PCDHA12: variants seen among roughly 807,000 people sequenced by gnomAD.
PCDHA12 encodes the protein protocadherin alpha 12.
A neutral mutation model predicts 60.0 loss-of-function variants in PCDHA12; 44 were observed. The observed-to-expected ratio is 0.73, with a 90% confidence interval of 0.58 to 0.94. The LOEUF (loss-of-function observed/expected upper bound fraction) is 0.94, where lower values mean the gene tolerates loss of function less well. PCDHA12 is among the 40% of genes least tolerant of loss of function. The pLI is 0.00. For synonymous variants in PCDHA12, 569 were observed against 553.0 expected (o/e 1.03, Z -0.40); for missense variants, 1,276 against 1,239.7 (o/e 1.03, Z -0.44).
At chr5:140,882,931 G>A in intron 1 of PCDHA12, 1 of 1,614,206 alleles carries the variant, frequency 6.2e-7, no homozygotes. Context: ...GTAAACCCGA[G>A]CTGACTGGCA....
In PCDHA12 at chr5:140,877,428, G is replaced by A; in HGVS notation, c.1956G>A (p.Lys652=). 1 of 1,613,886 alleles carries A rather than the reference G, an allele frequency of 6.2e-7. No homozygotes were observed. The highest frequency in any genetic ancestry group is 8.5e-7 in the Non-Finnish European group (1 of 1,179,864). ...APRHRLLVLV[K]DHGEPALTST... is the part of the protein sequence containing the mutation. ...GCCACCGCCTGCTGGTGCTGGTGAA[G>A]GACCACGGTGAGCCCGCGCTGACGT... Residue 652 remains lysine (K), a synonymous_variant, in exon 1 of 4, where the codon AAG becomes AAA. Transcript: ENST00000398631.
At chr5:140,927,409 A>T (rs1554204480) in intron 1 of PCDHA12, 4 of 1,614,120 alleles carry the variant, frequency 2.5e-6, no homozygotes, top group Non-Finnish European at 3.4e-6. Context: ...TCGCCTGGAC[A>T]TGGGATCGCG....
intron 1 of PCDHA12, chr5:140,967,492 G>T (rs1554229617): frequency 3.1e-6 from 5 of 1,613,380 alleles, no homozygotes; most frequent in Non-Finnish European, 4.2e-6. Flanking sequence ...GTACGGCACA[G>T]ATCTCTGTGC....
At chr5:140,966,447 C>T (rs373859357) in intron 1 of PCDHA12, 40 of 425,326 alleles carry the variant, frequency 9.4e-5, no homozygotes, top group Middle Eastern at 5.8e-4. Context: ...CTCCCTTTCC[C>T]CCTCCCCCTC....
rs1563186680 is a variant in PCDHA12 at position 140,941,223 on chromosome 5, C to CTTTCTT, written c.2368-37724_2368-37719dup. Among the ~76,000 whole-genome samples the CTTTCTT allele has an allele frequency of 6.9e-4, 92 of 132,548 alleles. 1 individual carries two copies. The highest frequency in any genetic ancestry group is 2.7e-3 in the African/African-American group (88 of 33,182). The allele number at this position is 132,548 out of a possible 152,430, so 87.0% of individuals were successfully genotyped here. A position where few individuals can be genotyped will look rare whatever the true frequency, so the allele number is the denominator to read the frequency against. ...TCTTCCTTTCTTTCTTCCTTTCTTT[C>CTTTCTT]TTTCTTTCTTTCTTTCTTTCTTTCT... On this transcript the variant is annotated intron_variant, in intron 1 of 3. Coordinates refer to ENST00000398631, the MANE Select transcript of PCDHA12 (RefSeq NM_018903.4).
At position 140,877,371 on chromosome 5, in the gene PCDHA12, G is replaced by C; in HGVS notation, c.1899G>C (p.Thr633=). The C allele has an allele frequency of 1.2e-6, 2 of 1,613,994 alleles. No individual in the cohort carries two copies. Among genetic ancestry groups the C allele is most frequent in the Non-Finnish European group, 8.5e-7 (1 of 1,179,884 alleles). The change falls in exon 1 of 4, where the codon ACG becomes ACC. Residue 633 remains threonine, a synonymous_variant. Transcript: ENST00000398631. ...GGCTGTACACTGGCGAGATCAGCAC[G>C]ACACGCATCCTGGATGAGGCGGACG... ...HVGLYTGEIS[T]TRILDEADAP...
chr5:140,966,330 G>A, intron 1 of PCDHA12: 2 of 393,050 alleles, frequency 5.1e-6, no homozygotes, highest in Non-Finnish European at 9.0e-6. Context: ...CTGGGATCCG[G>A]CAGGTCCAGG....
At chr5:140,984,177 A>G (rs1337365733) in intron 3 of PCDHA12, among the ~76,000 whole-genome samples, 3 of 152,190 alleles carry the variant, frequency 2.0e-5, no homozygotes, top group Non-Finnish European at 4.4e-5. Context: ...AAGCCACGTG[A>G]AATCATGACT....
chr5:140,960,713 ATCTTATTTTAGT>A (rs2095563566), intron 1 of PCDHA12, among the ~76,000 whole-genome samples: 3 of 150,862 alleles, frequency 2.0e-5, no homozygotes, highest in Non-Finnish European at 4.4e-5. Flanking sequence ...CCAAATACTC[ATCTTATTTTAGT>A]CCATGATTTT....
At chr5:140,956,190 T>A (rs1441772845) in intron 1 of PCDHA12, among the ~76,000 whole-genome samples, 1 of 152,208 alleles carries the variant, frequency 6.6e-6, no homozygotes, top group Non-Finnish European at 1.5e-5. Flanking sequence ...CTATGCTGAA[T>A]AGGAGTGGTG....
chr5:140,883,000 ATCCGT>A (rs1554176436), intron 1 of PCDHA12: 1 of 1,614,138 alleles, frequency 6.2e-7, no homozygotes, highest in Non-Finnish European at 8.5e-7. Flanking sequence ...AATTTTACCA[ATCCGT>A]TTATAAAGTG....
chr5:140,995,993 A>G (rs1017469411), intron 3 of PCDHA12, among the ~76,000 whole-genome samples: 16 of 152,226 alleles, frequency 1.1e-4, no homozygotes, highest in Non-Finnish European at 1.8e-4. Context: ...GCCACTCAAA[A>G]ATGTCGTCAG....
chr5:140,983,076 T>A (rs1390525890), intron 3 of PCDHA12, among the ~76,000 whole-genome samples: 1 of 152,168 alleles, frequency 6.6e-6, no homozygotes, highest in Non-Finnish European at 1.5e-5. Context: ...TTGTTTTGAG[T>A]TCAAGTCAAA....
intron 1 of PCDHA12, among the ~76,000 whole-genome samples, chr5:140,957,345 A>G (rs1375707193): frequency 6.6e-6 from 1 of 152,170 alleles, no homozygotes; most frequent in Admixed American, 6.5e-5. Flanking sequence ...ATTTTGAGAG[A>G]GAGACCACAT....
At chr5:140,968,507 T>A in intron 1 of PCDHA12, 1 of 1,614,178 alleles carries the variant, frequency 6.2e-7, no homozygotes, top group South Asian at 1.1e-5. Context: ...TCACATTCTG[T>A]ACCCTACCTC....
At chr5:140,911,934 A>G (rs2075691303) in intron 1 of PCDHA12, among the ~76,000 whole-genome samples, 1 of 152,158 alleles carries the variant, frequency 6.6e-6, no homozygotes, top group East Asian at 1.9e-4. Flanking sequence ...AATAGGATAG[A>G]TGTATATATA....
chr5:140,882,103 G>A, intron 1 of PCDHA12: 2 of 1,335,054 alleles, frequency 1.5e-6, no homozygotes, highest in Non-Finnish European at 2.0e-6. Context: ...ACGTTTCCGC[G>A]AAGAAAGCCG....
intron 1 of PCDHA12, chr5:140,930,058 C>T (rs1186770970): frequency 6.6e-6 from 1 of 152,172 alleles, no homozygotes; most frequent in Non-Finnish European, 1.5e-5. Context: ...TTTGCTTACA[C>T]AAAAACTGTA....
At chr5:140,903,545 C>T (rs1562939927) in intron 1 of PCDHA12, among the ~76,000 whole-genome samples, 3 of 152,130 alleles carry the variant, frequency 2.0e-5, no homozygotes, top group Non-Finnish European at 4.4e-5. Context: ...GAGCAAGAAA[C>T]TTTTCTAATA....
Sources: allele counts gnomAD v4.1 joint callset (sites outside exome capture counted in the v4.1 genomes callset), GRCh38; gene constraint gnomAD v4.1.1; transcripts MANE v1.5; gene names NCBI Gene and HGNC (gene_info 2026-07-23, HGNC 2026-07-21).